Variants in DAAM1 observed in about 807,000 individuals in gnomAD.
DAAM1 encodes the protein dishevelled associated activator of morphogenesis 1.
DAAM1 carries 52 observed loss-of-function variants against 130.0 expected under a neutral mutation model. The observed-to-expected ratio is 0.40, with a 90% CI of 0.32 to 0.50. The LOEUF is 0.50. Among genes scored for constraint, DAAM1 ranks in the 20% least tolerant of loss-of-function variants. The pLI is 0.61. For missense variants in DAAM1, 1,134 were observed against 1,303.8 expected (o/e 0.87, Z 2.01); for synonymous variants, 452 against 444.5 (o/e 1.02, Z -0.21).
intron 3 of DAAM1, among the ~76,000 whole-genome samples, chr14:59,306,104 C>T (rs186688224): frequency 4.3e-4 from 66 of 151,844 alleles, no homozygotes; most frequent in African/African-American, 1.5e-3. Context: ...ACATGATGAC[C>T]AGAGAGAGTG....
intron 20 of DAAM1, among the ~76,000 whole-genome samples, chr14:59,355,606 GT>G (rs1203638786): frequency 2.0e-5 from 3 of 151,996 alleles, no homozygotes; most frequent in Non-Finnish European, 4.4e-5. Context: ...TGTTGTTTTT[GT>G]TTTGTCCTGC....
chr14:59,250,327 TTGCA>T (rs1881578980), intron 1 of DAAM1, among the ~76,000 whole-genome samples: 1 of 152,240 alleles, frequency 6.6e-6, no homozygotes, highest in Non-Finnish European at 1.5e-5. Context: ...TTCATGAAGT[TTGCA>T]TCTAACATTA....
chr14:59,354,611 G>T (rs762083544), intron 19 of DAAM1, among the ~76,000 whole-genome samples: 5 of 152,152 alleles, frequency 3.3e-5, no homozygotes, highest in Non-Finnish European at 7.4e-5. Flanking sequence ...GGGAAGATTT[G>T]AGGCTGTTGT....
At chr14:59,198,964 C>T (rs1460532446) in intron 1 of DAAM1, among the ~76,000 whole-genome samples, 3 of 152,170 alleles carry the variant, frequency 2.0e-5, no homozygotes, top group Non-Finnish European at 4.4e-5. Flanking sequence ...AGACAGTATC[C>T]TCTTAAAATA....
intron 20 of DAAM1, among the ~76,000 whole-genome samples, chr14:59,356,914 C>G (rs752222753): frequency 6.6e-6 from 1 of 152,206 alleles, no homozygotes; most frequent in African/African-American, 2.4e-5. Context: ...GCGCCCACAC[C>G]TTATACACCT....
intron 1 of DAAM1, among the ~76,000 whole-genome samples, chr14:59,204,874 AT>A (rs1379658138): frequency 6.6e-6 from 1 of 152,206 alleles, no homozygotes; most frequent in Non-Finnish European, 1.5e-5. Context: ...TCTTAAAAAA[AT>A]AAATAAATAA....
At chr14:59,255,693 A>C (rs1405218222) in intron 1 of DAAM1, among the ~76,000 whole-genome samples, 1 of 152,146 alleles carries the variant, frequency 6.6e-6, no homozygotes, top group African/African-American at 2.4e-5. Context: ...CTTATTGCAT[A>C]ACTCTGTTTT....
At chr14:59,257,964 T>A (rs1881985921) in intron 1 of DAAM1, among the ~76,000 whole-genome samples, 2 of 152,198 alleles carry the variant, frequency 1.3e-5, no homozygotes. Flanking sequence ...GATCATACTA[T>A]CTGAAGGACC....
chr14:59,241,794 C>T (rs758076349), intron 1 of DAAM1, among the ~76,000 whole-genome samples: 50 of 152,194 alleles, frequency 3.3e-4, no homozygotes, highest in Non-Finnish European at 5.6e-4. Flanking sequence ...ATGTGACCTT[C>T]GTTCTAGACT....
At chr14:59,202,617 GT>G (rs1170639765) in intron 1 of DAAM1, among the ~76,000 whole-genome samples, 1 of 152,130 alleles carries the variant, frequency 6.6e-6, no homozygotes, top group Admixed American at 6.5e-5. Flanking sequence ...CAGAAGTCTT[GT>G]TTTACTTAAG....
chr14:59,341,453 A>G (rs1885842926), intron 16 of DAAM1, among the ~76,000 whole-genome samples: 1 of 152,232 alleles, frequency 6.6e-6, no homozygotes, highest in South Asian at 2.1e-4. Context: ...CTCACGGTCC[A>G]GTACAACAAG....
At chr14:59,265,829 T>A (rs913584059) in intron 2 of DAAM1, 1 of 152,362 alleles carries the variant, frequency 6.6e-6, no homozygotes, top group African/African-American at 2.4e-5. Context: ...AAGGCAAACC[T>A]GGCAAACCAT....
intron 3 of DAAM1, 28 bp downstream of exon 3, chr14:59,291,334 A>T (rs1313390013): frequency 6.5e-7 from 1 of 1,529,912 alleles, no homozygotes; most frequent in Admixed American, 1.9e-5. Context: ...ATTATGGTTA[A>T]CTGGAAAATA....
At chr14:59,326,439 C>G in intron 10 of DAAM1, 71 bp from the exon 11 acceptor site, 2 of 1,482,246 alleles carry the variant, frequency 1.3e-6, no homozygotes, top group Non-Finnish European at 1.8e-6. Flanking sequence ...AGGGTGACCA[C>G]CATTGACAAA....
chr14:59,196,691 T>C (rs778082155), intron 1 of DAAM1, among the ~76,000 whole-genome samples: 6 of 151,728 alleles, frequency 4.0e-5, no homozygotes, highest in African/African-American at 1.2e-4. Context: ...TGCAGTGAGC[T>C]GAGATCCTGC....
chr14:59,336,500 T>C (rs780978697), intron 15 of DAAM1, among the ~76,000 whole-genome samples: 4 of 152,206 alleles, frequency 2.6e-5, no homozygotes, highest in Admixed American at 6.5e-5. Context: ...GAAGCATCAT[T>C]ATTTCTAACA....
chr14:59,263,503 G>A lies in DAAM1; in HGVS notation c.26G>A (p.Arg9Gln), dbSNP rs757642088. Residue 9 changes from arginine (R) to glutamine (Q), a missense_variant, in exon 2 of 25, where the codon CGA becomes CAA. Physicochemically the swap from Arg to Gln is conservative, Grantham distance 43. This residue lies in a region of DAAM1 where 99 missense variants were observed against 86.4 expected (regional missense o/e 1.15). Coordinates refer to ENST00000360909, the MANE Select transcript of DAAM1 (RefSeq NM_001270520.2). MAPRKRGG[R>Q]GISFIFCCFR... ...ATGGCCCCAAGAAAGAGAGGTGGAC[G>A]AGGTATTTCATTCATCTTTTGCTGT... The A allele has an allele frequency of 1.9e-6, 3 of 1,614,192 alleles. No individual in the cohort carries two copies. The highest frequency in any genetic ancestry group is 1.1e-5 in the South Asian group (1 of 91,082).
intron 1 of DAAM1, among the ~76,000 whole-genome samples, chr14:59,212,879 CAT>C (rs1888468731): frequency 6.6e-6 from 1 of 152,206 alleles, no homozygotes; most frequent in Admixed American, 6.5e-5. Context: ...CAGATTCTCA[CAT>C]GACCTTGAAT....
intron 4 of DAAM1, among the ~76,000 whole-genome samples, chr14:59,316,958 C>T (rs898747591): frequency 1.3e-5 from 2 of 152,172 alleles, no homozygotes; most frequent in African/African-American, 4.8e-5. Context: ...TTAATCCCTG[C>T]CTTGTCTGAA....
Sources: gnomAD v4.1 joint callset for allele counts (sites outside exome capture counted in the v4.1 genomes callset) on GRCh38, gnomAD v4.1.1 for gene constraint, gnomAD v4.1.1 regional missense constraint, MANE v1.5 for transcripts, NCBI Gene and HGNC (gene_info 2026-07-23, HGNC 2026-07-21) for gene names.